CACNA1S: variants seen among roughly 807,000 people sequenced by gnomAD.
CACNA1S encodes the protein calcium voltage-gated channel subunit alpha1 S, also known as voltage-dependent L-type calcium channel subunit alpha-1S.
A neutral mutation model predicts 207.4 loss-of-function variants in CACNA1S; 126 were observed. That is an observed-to-expected ratio of 0.61 (90% CI 0.53 to 0.70). The LOEUF (loss-of-function observed/expected upper bound fraction) is 0.70, where lower values mean the gene tolerates loss of function less well. Among genes scored for constraint, CACNA1S ranks in the 30% least tolerant of loss-of-function variants. The pLI, the probability that CACNA1S is intolerant of heterozygous loss-of-function variation, is 0.00. For missense variants in CACNA1S, 2,349 were observed against 2,422.8 expected (o/e 0.97, Z 0.64); for synonymous variants, 960 against 932.7 (o/e 1.03, Z -0.53).
intron 40 of CACNA1S, 158 bp from the exon 41 acceptor site, chr1:201,041,747 C>T (rs1328636529): frequency 1.6e-5 from 11 of 693,362 alleles, no homozygotes; most frequent in Non-Finnish European, 2.9e-5. Flanking sequence ...ACCACTGTGC[C>T]CCAGCCAGCC....
In CACNA1S at chr1:201,052,665, G is replaced by GCCCT; in HGVS notation, c.3862-21_3862-18dup. 6.3e-7 allele frequency: 1 copy of GCCCT among 1,599,056 alleles called. No individual in the cohort carries two copies. Among genetic ancestry groups the GCCCT allele is most frequent in the Non-Finnish European group, 8.6e-7 (1 of 1,166,460 alleles). ...CCCAAACATCTGCAAGTCACAAAGG[G>GCCCT]CCCTGACTGTGGAACCTAGATTAAA... On this transcript the variant is annotated splice_polypyrimidine_tract_variant and intron_variant, in intron 31 of 43. Transcript: ENST00000362061.
intron 38 of CACNA1S, 65 bp downstream of exon 38, chr1:201,047,050 T>C: frequency 1.2e-6 from 2 of 1,605,818 alleles, no homozygotes; most frequent in South Asian, 1.1e-5. Context: ...CATGGAAGGA[T>C]AACTAGAGTC....
At chr1:201,069,364 A>G (rs1327084916) in intron 18 of CACNA1S, 108 bp downstream of exon 18, 1 of 1,530,824 alleles carries the variant, frequency 6.5e-7, no homozygotes, top group East Asian at 2.3e-5. Flanking sequence ...GAACTCTAAG[A>G]AACTCTGATG....
chr1:201,091,955 G>T lies in CACNA1S; in HGVS notation c.541+17C>A. The T allele has an allele frequency of 1.2e-6, 2 of 1,613,896 alleles. No homozygotes were observed. The highest frequency in any genetic ancestry group is 2.7e-5 in the African/African-American group (2 of 75,042). On this transcript the variant is annotated intron_variant, in intron 4 of 43. Coordinates refer to ENST00000362061, the MANE Select transcript of CACNA1S (RefSeq NM_000069.3). ...AAGGGAGAGGAGAAAGGGGTCTGCA[G>T]GGACACTGCCACCCACTAGGCACCC...
chr1:201,066,819 C>A lies in CACNA1S; in HGVS notation c.2657+68G>T. 8.3e-7 allele frequency: 1 copy of A among 1,201,340 alleles called. No individual in the cohort carries two copies. 74.4% of individuals were successfully genotyped at this position (1,201,340 alleles called of 1,614,324 possible). ...GGGCCCACCAACATGGGTGGGACTC[C>A]CACTACAAAGCCCTGGCACAGAGCA... On this transcript the variant is annotated intron_variant, in intron 20 of 43. Coordinates refer to ENST00000362061, the MANE Select transcript of CACNA1S (RefSeq NM_000069.3). This position sits in a 1 kb window ranked among gnomAD's most constrained non-coding sequence, Gnocchi z 4.3.
rs750533608 is a variant in CACNA1S at position 201,065,949 on chromosome 1, G to A, written c.2746-4C>T. 4 of 1,601,506 alleles carry A rather than the reference G, an allele frequency of 2.5e-6. No individual in the cohort carries two copies. In the Admixed American group the frequency reaches 6.7e-5, roughly 27 times the overall value. On this transcript the variant is annotated splice_region_variant and splice_polypyrimidine_tract_variant and intron_variant, in intron 21 of 43. Transcript: ENST00000362061. ...CGAACATGCACTGCACCACGTGCTG[G>A]GGACAGAGGGGCCAATGGGGACTGG...
Position 201,091,697 on chromosome 1 carries a change from T to C in CACNA1S, c.637A>G (p.Ile213Val), listed in dbSNP as rs770239989. Residue 213 changes from isoleucine to valine, a missense_variant, in exon 5 of 44, where the codon ATC becomes GTC. Physicochemically the swap from Ile to Val is conservative, Grantham distance 29. Coordinates refer to ENST00000362061, the MANE Select transcript of CACNA1S (RefSeq NM_000069.3). ...TTGCCCTTGAAGAGCTCCAGCCCGA[T>C]GATGGCATAGATGATGACCATAAAG... ...VLFMVIIYAI[I>V]GLELFKGKMH... 1.9e-6 allele frequency: 3 copies of C among 1,614,188 alleles called. No individual in the cohort carries two copies. In the South Asian group the frequency reaches 3.3e-5, roughly 18 times the overall value.
intron 22 of CACNA1S, among the ~76,000 whole-genome samples, chr1:201,064,225 G>T (rs1403048431): frequency 1.3e-5 from 2 of 152,234 alleles, no homozygotes; most frequent in Non-Finnish European, 2.9e-5. Flanking sequence ...ACTGCCCTCA[G>T]GGGATTCTGG....
intron 22 of CACNA1S, among the ~76,000 whole-genome samples, chr1:201,063,131 CTT>C (rs111683985): frequency 3.5e-5 from 4 of 115,524 alleles, no homozygotes; most frequent in African/African-American, 5.5e-5. Context: ...GCAGTTAATC[CTT>C]TTTTTTTTTT....
intron 31 of CACNA1S, 61 bp from the exon 32 acceptor site, chr1:201,052,709 C>A (rs951877024): frequency 2.2e-6 from 3 of 1,353,044 alleles, no homozygotes; most frequent in Non-Finnish European, 3.2e-6. Flanking sequence ...TCAGCTTATC[C>A]CCCACTGCCT....
intron 2 of CACNA1S, among the ~76,000 whole-genome samples, chr1:201,100,052 G>A (rs993603428): frequency 6.6e-6 from 1 of 152,166 alleles, no homozygotes; most frequent in African/African-American, 2.4e-5. Flanking sequence ...CTGAGACCCA[G>A]GGCCTGGGCA....
chr1:201,102,960 T>A (rs528444075), intron 2 of CACNA1S, among the ~76,000 whole-genome samples: 2 of 152,222 alleles, frequency 1.3e-5, no homozygotes, highest in East Asian at 3.9e-4. Context: ...GAATGAACAT[T>A]TATTGAGCAA....
intron 16 of CACNA1S, among the ~76,000 whole-genome samples, chr1:201,070,867 G>A (rs1180270414): frequency 6.6e-6 from 1 of 152,138 alleles, no homozygotes; most frequent in Non-Finnish European, 1.5e-5. Context: ...AGGGGCAGGA[G>A]GGTTGTTGAA....
intron 27 of CACNA1S, 77 bp downstream of exon 27, chr1:201,059,112 T>TG (rs1660952073): frequency 6.7e-6 from 6 of 898,872 alleles, no homozygotes; most frequent in Non-Finnish European, 9.2e-6. Context: ...GGATGAGGGA[T>TG]GGGGGTGGAT....
At position 201,054,539 on chromosome 1, in the gene CACNA1S, C is replaced by G. The variant is rs758583828; in HGVS notation, c.3632G>C (p.Gly1211Ala). ...GCAGCCTCCACCCAGGCAATACAGT[C>G]CCCCGCTGGAGGCCAGGAAAGTCTG... The part of the protein sequence containing the change: ...EIDTFLASSG[G>A]LYCLGGGCGN... The change falls in exon 29 of 44, where the codon GGA becomes GCA. Residue 1211 changes from glycine (G) to alanine (A), a missense_variant. Gly to Ala is a moderately conservative substitution (Grantham distance 60, BLOSUM62 0). Transcript: ENST00000362061. 3 of 1,613,692 alleles carry G rather than the reference C, an allele frequency of 1.9e-6. No homozygotes were observed. Among genetic ancestry groups the G allele is most frequent in the African/African-American group, 2.7e-5 (2 of 74,872 alleles).
intron 19 of CACNA1S, among the ~76,000 whole-genome samples, chr1:201,068,742 G>C (rs1036598177): frequency 8.7e-5 from 13 of 150,036 alleles, no homozygotes; most frequent in Non-Finnish European, 1.3e-4. Flanking sequence ...TGTGGTGGCA[G>C]ACGCCTGTAA....
intron 2 of CACNA1S, among the ~76,000 whole-genome samples, chr1:201,102,950 G>C (rs1046659715): frequency 3.3e-5 from 5 of 152,182 alleles, no homozygotes; most frequent in African/African-American, 1.2e-4. Flanking sequence ...AGAAGGAAGG[G>C]AATGAACATT....
intron 31 of CACNA1S, 147 bp from the exon 32 acceptor site, chr1:201,052,795 C>CA (rs376391636): frequency 2.5e-4 from 171 of 682,242 alleles, no homozygotes; most frequent in African/African-American, 1.1e-3. Context: ...GACCTGAAGC[C>CA]AAAAAAAACG....
chr1:201,060,084 A>C (rs192137475), intron 26 of CACNA1S, among the ~76,000 whole-genome samples: 28 of 152,132 alleles, frequency 1.8e-4, no homozygotes, highest in Non-Finnish European at 3.4e-4. Flanking sequence ...TTGTCTTTCC[A>C]TATCACCATG....
Sources: allele counts gnomAD v4.1 joint callset (sites outside exome capture counted in the v4.1 genomes callset), GRCh38; gene constraint gnomAD v4.1.1; non-coding constraint Gnocchi (gnomAD v3.1); transcripts MANE v1.5; gene names NCBI Gene and HGNC (gene_info 2026-07-23, HGNC 2026-07-21).